Variants in MITF observed in about 807,000 individuals in gnomAD.
The protein encoded by MITF is melanocyte inducing transcription factor.
Under a neutral mutation model 60.5 loss-of-function variants are expected in MITF, and 17 were observed. That is an observed-to-expected ratio of 0.28 (90% CI 0.19 to 0.42). The LOEUF (loss-of-function observed/expected upper bound fraction) is 0.42, where lower values mean the gene tolerates loss of function less well. Among genes scored for constraint, MITF ranks in the 10% least tolerant of loss-of-function variants. MITF has a pLI of 1.00. For missense variants in MITF, 622 were observed against 683.5 expected, an observed-to-expected ratio of 0.91 and a Z score of 1.00; for synonymous variants, 260 against 248.5, an observed-to-expected ratio of 1.05 and a Z score of -0.43.
At chr3:69,938,648 A>T in intron 3 of MITF, 1 of 1,338,710 alleles carries the variant, frequency 7.5e-7, no homozygotes, top group East Asian at 2.9e-5. Context: ...GCTGGATTGG[A>T]AACAAGACTC....
chr3:69,938,386 G>A (rs772310989), intron 3 of MITF: 5 of 1,563,782 alleles, frequency 3.2e-6, no homozygotes, highest in Non-Finnish European at 4.3e-6. Flanking sequence ...GAGAGGAGAA[G>A]GGGAGGTGGA....
At chr3:69,838,324 T>C (rs940277218) in intron 1 of MITF, among the ~76,000 whole-genome samples, 6 of 150,718 alleles carry the variant, frequency 4.0e-5, no homozygotes, top group African/African-American at 1.2e-4. Context: ...TGGCAGGGAA[T>C]TTACGTCAGC....
intron 5 of MITF, 70 bp from the exon 6 acceptor site, chr3:69,948,981 A>T: frequency 8.9e-7 from 1 of 1,122,316 alleles, no homozygotes; most frequent in Non-Finnish European, 1.4e-6. Context: ...AGAGTAGGAT[A>T]TAGGTTTTAT....
Position 69,956,525 on chromosome 3 carries a change from T to C in MITF, c.1026T>C (p.Asn342=). ...KELGTLIPKS[N]DPDMRWNKGT... is the part of the protein sequence containing the mutation. Reference sequence around the variant, plus strand: ...TAGGTACTTTGATTCCCAAGTCAAATGATCCGTGAGTACAATCGCGTGTTA... The same window carrying C: ...TAGGTACTTTGATTCCCAAGTCAAACGATCCGTGAGTACAATCGCGTGTTA... The change falls in exon 8 of 10, where the codon AAT becomes AAC. Residue 342 remains asparagine, a synonymous_variant. Transcript: ENST00000352241. 3 of 1,610,836 alleles carry C rather than the reference T, an allele frequency of 1.9e-6. No individual in the cohort carries two copies. In the South Asian group the frequency reaches 3.3e-5, roughly 18 times the overall value.
At chr3:69,821,378 C>T (rs1236657674) in intron 1 of MITF, among the ~76,000 whole-genome samples, 1 of 152,032 alleles carries the variant, frequency 6.6e-6, no homozygotes, top group Admixed American at 6.6e-5. Context: ...TGCCCTCCAC[C>T]CCCAACCCCC....
At chr3:69,851,804 A>G (rs1041359942) in intron 1 of MITF, among the ~76,000 whole-genome samples, 1 of 152,196 alleles carries the variant, frequency 6.6e-6, no homozygotes, top group Non-Finnish European at 1.5e-5. Flanking sequence ...AATAAAAGTA[A>G]AAGAATAAAA....
intron 3 of MITF, chr3:69,938,632 G>T: frequency 7.5e-7 from 1 of 1,340,874 alleles, no homozygotes. Context: ...ATCTGCTTTG[G>T]TGAAGGCTGG....
intron 1 of MITF, among the ~76,000 whole-genome samples, chr3:69,753,446 A>T (rs1704011117): frequency 6.6e-6 from 1 of 152,230 alleles, no homozygotes; most frequent in Non-Finnish European, 1.5e-5. Flanking sequence ...CAGAGTCCCC[A>T]CTGGGGCATT....
At chr3:69,809,599 G>A (rs971666456) in intron 1 of MITF, among the ~76,000 whole-genome samples, 2 of 150,684 alleles carry the variant, frequency 1.3e-5, no homozygotes, top group Non-Finnish European at 3.0e-5. Context: ...TCACATGAAT[G>A]TGTATAAACA....
intron 1 of MITF, among the ~76,000 whole-genome samples, chr3:69,871,873 A>C (rs2064245223): frequency 6.6e-6 from 1 of 152,174 alleles, no homozygotes; most frequent in Non-Finnish European, 1.5e-5. Flanking sequence ...TAGATTTTTA[A>C]AAATTGCTTT....
chr3:69,753,970 C>T (rs758769117), intron 1 of MITF, among the ~76,000 whole-genome samples: 1 of 152,014 alleles, frequency 6.6e-6, no homozygotes. Flanking sequence ...TTGTATTTTG[C>T]AATGTGAGAA....
chr3:69,835,813 C>G (rs2107119041), intron 1 of MITF, among the ~76,000 whole-genome samples: 1 of 152,208 alleles, frequency 6.6e-6, no homozygotes, highest in East Asian at 1.9e-4. Context: ...TCTGGGTTCT[C>G]TATTCTGTTT....
chr3:69,888,000 G>A (rs937812192), intron 2 of MITF, among the ~76,000 whole-genome samples: 6 of 152,008 alleles, frequency 3.9e-5, no homozygotes, highest in African/African-American at 1.2e-4. Context: ...ACAAGGTGTA[G>A]GAATCCTGCA....
At chr3:69,831,465 A>G (rs2063446627) in intron 1 of MITF, among the ~76,000 whole-genome samples, 2 of 152,286 alleles carry the variant, frequency 1.3e-5, no homozygotes, top group South Asian at 2.1e-4. Flanking sequence ...TGTCACTATC[A>G]TAGTAATACC....
At chr3:69,872,363 T>C (rs2064258080) in intron 1 of MITF, among the ~76,000 whole-genome samples, 1 of 152,186 alleles carries the variant, frequency 6.6e-6, no homozygotes, top group Non-Finnish European at 1.5e-5. Flanking sequence ...TGATGAAAAT[T>C]GCCTGGAAGA....
intron 1 of MITF, among the ~76,000 whole-genome samples, chr3:69,741,007 A>T (rs1324727265): frequency 6.6e-6 from 1 of 152,178 alleles, no homozygotes; most frequent in Non-Finnish European, 1.5e-5. Context: ...TCTTTATCCA[A>T]GTTGGGGAAG....
rs2066674781 is a variant in MITF at position 69,965,724 on chromosome 3, C to A, written c.*476C>A. 1.7e-5 allele frequency: 4 copies of A among 241,374 alleles called. No homozygotes were observed. Among genetic ancestry groups the A allele is most frequent in the Non-Finnish European group, 3.3e-5 (4 of 122,152 alleles). The allele number at this position is 241,374 out of a possible 1,614,324, so 15.0% of individuals were successfully genotyped here. On this transcript the variant is annotated 3_prime_UTR_variant, in exon 10 of 10. Coordinates refer to ENST00000352241, the MANE Select transcript of MITF (RefSeq NM_001354604.2). ...TTTCCATTTTATAAATGTATTGATT[C>A]ATTGGTACTGCCTTAAAGATACAGT...
At position 69,938,256 on chromosome 3, in the gene MITF, C is replaced by G; in HGVS notation, c.582+207C>G. 2.5e-5 allele frequency: 30 copies of G among 1,209,436 alleles called. No individual in the cohort carries two copies. The South Asian group carries it at 3.6e-4, about 15-fold the overall frequency. 74.9% of individuals were successfully genotyped at this position (1,209,436 alleles called of 1,614,324 possible). ...GGGTGTAGAGCACATGACGGGAGAC[C>G]TGGCCCTCTCCAAGTGAAATGTGGA... is the stretch of plus-strand genomic sequence containing the variant. On this transcript the variant is annotated intron_variant, in intron 3 of 9. Coordinates refer to ENST00000352241, the MANE Select transcript of MITF (RefSeq NM_001354604.2).
chr3:69,965,020 G>A lies in MITF; in HGVS notation c.1353G>A (p.Thr451=), dbSNP rs774944729. Residue 451 remains threonine (T), a synonymous_variant, in exon 10 of 10, where the codon ACG becomes ACA. Transcript: ENST00000352241. ...DLTCTTTLDL[T]DGTITFNNNL... Reference sequence around the variant, plus strand: ...CCTGTACAACAACTCTCGATCTCACGGATGGCACCATCACCTTCAACAACA... The same window carrying A: ...CCTGTACAACAACTCTCGATCTCACAGATGGCACCATCACCTTCAACAACA... The A allele has an allele frequency of 1.5e-5, 25 of 1,613,902 alleles. No homozygotes were observed. Among genetic ancestry groups the A allele is most frequent in the East Asian group, 2.2e-5 (1 of 44,872 alleles).
Sources: gnomAD v4.1 joint callset for allele counts (sites outside exome capture counted in the v4.1 genomes callset) on GRCh38, gnomAD v4.1.1 for gene constraint, MANE v1.5 for transcripts, NCBI Gene and HGNC (gene_info 2026-07-23, HGNC 2026-07-21) for gene names.